Variants in MTRF1L observed in about 807,000 individuals in gnomAD.
The protein encoded by MTRF1L is peptide chain release factor 1-like, mitochondrial.
In MTRF1L, 29 loss-of-function variants were observed where a neutral mutation model predicts 40.0. That is an observed-to-expected ratio of 0.73 (90% CI 0.54 to 0.99). The LOEUF is 0.99. Ranked by LOEUF, MTRF1L falls within the 50% of genes least tolerant of loss-of-function variation. The probability of loss-of-function intolerance (pLI) is 0.00; values close to 1 mark genes in which losing one functional copy is unlikely to be tolerated. For synonymous variants in MTRF1L, 150 were observed against 175.8 expected (o/e 0.85, Z 1.16); for missense variants, 412 against 464.5 (o/e 0.89, Z 1.04).
chr6:152,996,981 T>C lies in MTRF1L; in HGVS notation c.339+1569A>G, dbSNP rs939187837. On this transcript the variant is annotated intron_variant, in intron 2 of 6. Transcript: ENST00000367233. ...CTCTAGTTTGAGGTACTAAAAAGGG[T>C]ATCAGTTTGCAAAGAGCCCCATCAG... Among the ~76,000 whole-genome samples the C allele has an allele frequency of 7.9e-5, 12 of 152,134 alleles. 1 individual carries two copies. The highest frequency in any genetic ancestry group is 2.7e-4 in the African/African-American group (11 of 41,446).
Position 153,002,535 on chromosome 6 carries a change from C to G in MTRF1L, c.151G>C (p.Ala51Pro), listed in dbSNP as rs1266626591. The change falls in exon 1 of 7, where the codon GCG becomes CCG. Residue 51 changes from alanine to proline, a missense_variant. Physicochemically the swap from Ala to Pro is conservative, Grantham distance 27 (BLOSUM62 -1). Transcript: ENST00000367233. ...ACCTTCAAATGGGCTTCAGACCCCG[C>G]CTGGCGCTCGAGGAAGGTCCGCAAG... ...GPLRTFLERQ[A>P]GSEAHLKVRR... The G allele has an allele frequency of 6.2e-7, 1 of 1,605,582 alleles. No homozygotes were observed. The highest frequency in any genetic ancestry group is 8.5e-7 in the Non-Finnish European group (1 of 1,176,932).
Position 153,002,485 on chromosome 6 carries a change from C to A in MTRF1L, c.201G>T (p.Val67=), listed in dbSNP as rs545275868. The A allele has an allele frequency of 2.5e-6, 4 of 1,613,756 alleles. No individual in the cohort carries two copies. The South Asian group carries it at 4.4e-5, about 18-fold the overall frequency. Residue 67 remains valine, a synonymous_variant, in exon 1 of 7, where the codon GTG becomes GTT. Transcript: ENST00000367233. ...GCTCCTTCTCGTTCAGCAGTTTGAT[C>A]ACCGCCAGCAACTCGGGCCTCCTGA... ...LKVRRPELLA[V]IKLLNEKERE...
chr6:152,998,504 G>A (rs558090242), intron 2 of MTRF1L, 46 bp downstream of exon 2: 18 of 1,368,444 alleles, frequency 1.3e-5, no homozygotes, highest in South Asian at 1.1e-4. Flanking sequence ...AAACTTTAAT[G>A]CCTAAGAATA....
Position 153,002,278 on chromosome 6 carries a change from G to C in MTRF1L, c.259+149C>G, listed in dbSNP as rs1040709158. 1.0e-5 allele frequency: 12 copies of C among 1,201,990 alleles called. No homozygotes were observed. The African/African-American group carries it at 1.7e-4, about 17-fold the overall frequency. 74.5% of individuals were successfully genotyped at this position (1,201,990 alleles called of 1,614,324 possible). A position where few individuals can be genotyped will look rare whatever the true frequency, so the allele number is the denominator to read the frequency against. On this transcript the variant is annotated intron_variant, in intron 1 of 6. Transcript: ENST00000367233. ...GCCCACAGGAGAGGATGGGATCACAGCACGTAATGATGTCCTGACCTCTGA... is the reference window on the plus strand; with the variant it reads ...GCCCACAGGAGAGGATGGGATCACACCACGTAATGATGTCCTGACCTCTGA...
At chr6:152,998,055 G>A (rs1002376676) in intron 2 of MTRF1L, among the ~76,000 whole-genome samples, 3 of 147,052 alleles carry the variant, frequency 2.0e-5, no homozygotes, top group African/African-American at 7.5e-5. Flanking sequence ...ATAAATTAAA[G>A]TTTATATATA....
rs1452607845 is a variant in MTRF1L, at chr6:152,989,937, G to A, written c.1101C>T (p.Ala367=). 28 of 1,612,900 alleles carry A rather than the reference G, an allele frequency of 1.7e-5. No individual in the cohort carries two copies. The highest frequency in any genetic ancestry group is 2.2e-5 in the Non-Finnish European group (26 of 1,179,674). ...DELVQSLKEY[A]DYESLVEIIS... The stretch of plus-strand genomic sequence containing the variant: ...TAATTTCTACTAAAGATTCATAATC[G>A]GCGTATTCCTTCAATGACTGTACAA... The change falls in exon 7 of 7, where the codon GCC becomes GCT. Residue 367 remains alanine (A), a synonymous_variant. Transcript: ENST00000367233.
intron 2 of MTRF1L, 115 bp from the exon 3 acceptor site, chr6:152,995,434 T>C: frequency 1.1e-6 from 1 of 918,002 alleles, no homozygotes; most frequent in Non-Finnish European, 1.6e-6. Context: ...GCAAATAATG[T>C]AATATTGCTG....
intron 2 of MTRF1L, among the ~76,000 whole-genome samples, chr6:152,996,925 C>A (rs974990191): frequency 1.3e-5 from 2 of 152,148 alleles, no homozygotes; most frequent in African/African-American, 4.8e-5. Context: ...ACAAAATAAA[C>A]TCGTGCTAAC....
intron 4 of MTRF1L, 66 bp from the exon 5 acceptor site, chr6:152,993,040 C>T: frequency 3.4e-6 from 4 of 1,183,766 alleles, no homozygotes; most frequent in East Asian, 4.7e-5. Context: ...GCAAGAGCGA[C>T]CCATTTATGA....
chr6:152,998,355 A>C (rs1778790254), intron 2 of MTRF1L, 195 bp downstream of exon 2: 3 of 371,816 alleles, frequency 8.1e-6, no homozygotes, highest in Non-Finnish European at 1.4e-5. Context: ...GCATATATCA[A>C]AACATCACAT....
intron 2 of MTRF1L, among the ~76,000 whole-genome samples, chr6:152,996,531 T>C (rs1269936341): frequency 6.6e-6 from 1 of 152,218 alleles, no homozygotes; most frequent in African/African-American, 2.4e-5. Flanking sequence ...TAATTTTTAG[T>C]AATTTTCACA....
intron 5 of MTRF1L, 53 bp downstream of exon 5, chr6:152,992,804 T>C: frequency 7.4e-7 from 1 of 1,358,048 alleles, no homozygotes; most frequent in Non-Finnish European, 1.0e-6. Context: ...ATTAGTCATA[T>C]TATTCCAAAA....
At position 152,992,886 on chromosome 6, in the gene MTRF1L, C is replaced by G; in HGVS notation, c.776G>C (p.Ser259Thr). 1.2e-6 allele frequency: 2 copies of G among 1,612,216 alleles called. No individual in the cohort carries two copies. Among genetic ancestry groups the G allele is most frequent in the Non-Finnish European group, 1.7e-6 (2 of 1,179,960 alleles). ...AGGQHVNTTD[S>T]AVRIVHLPTG... ...TGGAAGATGAACTATCCGGACAGCA[C>G]TGTCCGTGGTATTTACATGCTGCCC... The change falls in exon 5 of 7, where the codon AGT becomes ACT. Residue 259 changes from serine (S) to threonine (T), a missense_variant. Physicochemically the swap from Ser to Thr is moderately conservative, Grantham distance 58. Coordinates refer to ENST00000367233, the MANE Select transcript of MTRF1L (RefSeq NM_019041.7).
At position 152,998,625 on chromosome 6, in the gene MTRF1L, C is replaced by T. The variant is rs750254229; in HGVS notation, c.264G>A (p.Glu88=). The change falls in exon 2 of 7, where the codon GAG becomes GAA. Residue 88 remains glutamate (E), a synonymous_variant. Coordinates refer to ENST00000367233, the MANE Select transcript of MTRF1L (RefSeq NM_019041.7). ...CTGCAAGTTTCCTTAAATCTTCATT[C>T]TCATCTAGGAAAAAAAGGGCAGAAG... The part of the protein sequence containing the change: ...LRETEHLLHD[E]NEDLRKLAEN... 1 of 1,589,664 alleles carries T rather than the reference C, an allele frequency of 6.3e-7. No individual in the cohort carries two copies. Among genetic ancestry groups the T allele is most frequent in the Admixed American group, 1.8e-5 (1 of 54,738 alleles).
intron 2 of MTRF1L, among the ~76,000 whole-genome samples, 177 bp from the exon 3 acceptor site, chr6:152,995,496 T>C (rs1778687139): frequency 6.6e-6 from 1 of 152,200 alleles, no homozygotes; most frequent in African/African-American, 2.4e-5. Flanking sequence ...GTAACTTCCA[T>C]AAAGTATTAA....
intron 4 of MTRF1L, among the ~76,000 whole-genome samples, chr6:152,993,467 C>G (rs754950877): frequency 6.6e-6 from 1 of 152,136 alleles, no homozygotes; most frequent in Non-Finnish European, 1.5e-5. Context: ...GTCTCAATTC[C>G]TCAACACACT....
intron 2 of MTRF1L, among the ~76,000 whole-genome samples, chr6:152,995,605 CTT>C (rs1402669982): frequency 6.6e-6 from 1 of 152,114 alleles, no homozygotes; most frequent in Non-Finnish European, 1.5e-5. Context: ...TCAGTTCTCT[CTT>C]CAGTTAATAA....
intron 5 of MTRF1L, 59 bp from the exon 6 acceptor site, chr6:152,991,380 C>T: frequency 1.4e-6 from 2 of 1,467,080 alleles, no homozygotes; most frequent in East Asian, 2.5e-5. Context: ...TACTTATTAT[C>T]AAGGAATACT....
rs59553177 is a variant in MTRF1L at position 152,991,610 on chromosome 6, G to T, written c.806-289C>A. 1.2e-3 allele frequency among the ~76,000 whole-genome samples: 182 copies of T among 152,184 alleles called. 2 individuals carry two copies. The highest frequency in any genetic ancestry group is 4.2e-3 in the African/African-American group (176 of 41,516). On this transcript the variant is annotated intron_variant, in intron 5 of 6. Transcript: ENST00000367233. The stretch of plus-strand genomic sequence containing the variant: ...CGCCCAGGCTGGAGTGCAGTGGCGC[G>T]ATCTCGGCTCACTGCAAGCTCCGCC...
Sources: gnomAD v4.1 joint callset for allele counts (sites outside exome capture counted in the v4.1 genomes callset) on GRCh38, gnomAD v4.1.1 for gene constraint, MANE v1.5 for transcripts, NCBI Gene and HGNC (gene_info 2026-07-23, HGNC 2026-07-21) for gene names.